Variants in DGKD observed in about 807,000 individuals in gnomAD.
The protein encoded by DGKD is diacylglycerol kinase delta.
A neutral mutation model predicts 154.4 loss-of-function variants in DGKD; 68 were observed. The observed-to-expected ratio is 0.44, with a 90% CI of 0.36 to 0.54. The LOEUF (loss-of-function observed/expected upper bound fraction) is 0.54, where lower values mean the gene tolerates loss of function less well. Among genes scored for constraint, DGKD ranks in the 20% least tolerant of loss-of-function variants. The pLI, the probability that DGKD is intolerant of heterozygous loss-of-function variation, is 0.00. For synonymous variants in DGKD, 693 were observed against 638.0 expected, an observed-to-expected ratio of 1.09 and a Z score of -1.30; for missense variants, 1,343 against 1,593.6, an observed-to-expected ratio of 0.84 and a Z score of 2.68.
At chr2:233,356,395 G>C (rs1170260396) in intron 1 of DGKD, among the ~76,000 whole-genome samples, 2 of 151,974 alleles carry the variant, frequency 1.3e-5, no homozygotes, top group African/African-American at 4.8e-5. Context: ...GGGGGTGATG[G>C]ATCAGATGTG....
In DGKD at chr2:233,471,665, T is replaced by C. The variant is rs2064019473; in HGVS notation, c.*2205T>C. ...GGATCAAAAGTGTTTAAAATTAATA[T>C]GTTGTCAGTGATTAGAACAACACTG... On this transcript the variant is annotated 3_prime_UTR_variant, in exon 30 of 30. Transcript: ENST00000264057. 3.9e-5 allele frequency: 6 copies of C among 152,418 alleles called. No homozygotes were observed. The highest frequency in any genetic ancestry group is 3.9e-4 in the Admixed American group (6 of 15,284). 9.4% of individuals were successfully genotyped at this position (152,418 alleles called of 1,614,324 possible). A position where few individuals can be genotyped will look rare whatever the true frequency, so the allele number is the denominator to read the frequency against.
At chr2:233,451,572 T>C (rs76233838) in intron 17 of DGKD, among the ~76,000 whole-genome samples, 1 of 141,978 alleles carries the variant, frequency 7.0e-6, no homozygotes, top group Admixed American at 6.9e-5. Context: ...CTATAAGCCT[T>C]TTTTTTTTTT....
Position 233,441,559 on chromosome 2 carries a change from G to A in DGKD, c.1086-328G>A, listed in dbSNP as rs2062889795. 6.6e-6 allele frequency among the ~76,000 whole-genome samples: 1 copy of A among 152,224 alleles called. No individual in the cohort carries two copies. The highest frequency in any genetic ancestry group is 6.5e-5 in the Admixed American group (1 of 15,288). ...GGGCCACGGCAGGCTGTGCCCGTGA[G>A]CCTGGCAGGGGATGCAGTTTTGGCC... On this transcript the variant is annotated intron_variant, in intron 9 of 29. Coordinates refer to ENST00000264057, the MANE Select transcript of DGKD (RefSeq NM_152879.3). The surrounding 1 kb of genome is among the most constrained non-coding windows in gnomAD (Gnocchi z 5.6).
In DGKD at chr2:233,354,712, C is replaced by G; in HGVS notation, c.156+38C>G. ...CGCGGCGGCCCGGGCGCGCGCCCCT[C>G]ACGCCGCGGCAGCCCCGGCCGAGGC... On this transcript the variant is annotated intron_variant, in intron 1 of 29. Coordinates refer to ENST00000264057, the MANE Select transcript of DGKD (RefSeq NM_152879.3). This position sits in a 1 kb window ranked among gnomAD's most constrained non-coding sequence, Gnocchi z 4.8. The G allele has an allele frequency of 1.0e-6, 1 of 976,736 alleles. No homozygotes were observed. The highest frequency in any genetic ancestry group is 4.5e-5 in the South Asian group (1 of 22,046). 60.5% of individuals were successfully genotyped at this position (976,736 alleles called of 1,614,324 possible). A position where few individuals can be genotyped will look rare whatever the true frequency, so the allele number is the denominator to read the frequency against.
intron 8 of DGKD, 146 bp downstream of exon 8, chr2:233,437,625 T>C: frequency 1.2e-6 from 1 of 808,878 alleles, no homozygotes; most frequent in Non-Finnish European, 2.0e-6. Flanking sequence ...CTGGAGGAGT[T>C]GCACAGAGCG....
chr2:233,382,553 C>G (rs1309314145), intron 1 of DGKD, among the ~76,000 whole-genome samples: 1 of 152,102 alleles, frequency 6.6e-6, no homozygotes, highest in Non-Finnish European at 1.5e-5. Context: ...CCCCTCTGTC[C>G]AGGTCACCTT....
chr2:233,458,523 T>G lies in DGKD; in HGVS notation c.2694+126T>G. 5.0e-6 allele frequency: 3 copies of G among 598,414 alleles called. No individual in the cohort carries two copies. The highest frequency in any genetic ancestry group is 8.7e-6 in the Non-Finnish European group (3 of 345,522). 37.1% of individuals were successfully genotyped at this position (598,414 alleles called of 1,614,324 possible). On this transcript the variant is annotated intron_variant, in intron 22 of 29. Transcript: ENST00000264057. The surrounding 1 kb of genome is among the most constrained non-coding windows in gnomAD (Gnocchi z 6.6). ...GGCCATGTGGCTGCCTCATGTCCTG[T>G]CCTGGACAGCTCGTGGCCCCACTTC...
chr2:233,389,185 T>G (rs557978005), intron 2 of DGKD, among the ~76,000 whole-genome samples: 5 of 152,240 alleles, frequency 3.3e-5, no homozygotes, highest in South Asian at 2.1e-4. Context: ...GAGCTGAGCT[T>G]CTTGATGTGT....
At chr2:233,460,480 C>A in intron 24 of DGKD, 135 bp downstream of exon 24, 1 of 1,160,548 alleles carries the variant, frequency 8.6e-7, no homozygotes, top group Non-Finnish European at 1.2e-6. Flanking sequence ...AGGGCCGAGC[C>A]TGTTTATGTG....
chr2:233,463,465 T>A (rs1340890925), intron 26 of DGKD, among the ~76,000 whole-genome samples: 3 of 105,712 alleles, frequency 2.8e-5, no homozygotes, highest in African/African-American at 1.5e-4. Flanking sequence ...TCCACGCATG[T>A]CCTCACTGCA....
intron 12 of DGKD, chr2:233,447,417 A>T: frequency 1.1e-6 from 1 of 950,494 alleles, no homozygotes; most frequent in Non-Finnish European, 1.3e-6. Context: ...GTCAGGGGCT[A>T]GGGCAACGGT....
intron 1 of DGKD, among the ~76,000 whole-genome samples, chr2:233,384,250 A>C (rs1442310175): frequency 6.6e-6 from 1 of 152,016 alleles, no homozygotes; most frequent in Non-Finnish European, 1.5e-5. Flanking sequence ...CTCAGTTCTC[A>C]TTTATGACCT....
chr2:233,434,713 A>G, intron 4 of DGKD, 56 bp from the exon 5 acceptor site: 2 of 1,579,930 alleles, frequency 1.3e-6, no homozygotes, highest in Non-Finnish European at 1.7e-6. Flanking sequence ...AAGTTACTGC[A>G]TTTAACAATT....
Position 233,438,064 on chromosome 2 carries a change from TG to T in DGKD, c.923-149del. Among the ~76,000 whole-genome samples the T allele has an allele frequency of 6.6e-6, 1 of 152,322 alleles. No individual in the cohort carries two copies. The highest frequency in any genetic ancestry group is 2.1e-4 in the South Asian group (1 of 4,832). On this transcript the variant is annotated intron_variant, in intron 8 of 29. Transcript: ENST00000264057. This position sits in a 1 kb window ranked among gnomAD's most constrained non-coding sequence, Gnocchi z 4.1. Reference sequence around the variant, plus strand: ...CGGCCTCACACATGGAGACCGGCTGTGGGGAACTGTTCACTGACCTCCTCCT... The same window carrying T: ...CGGCCTCACACATGGAGACCGGCTGTGGGAACTGTTCACTGACCTCCTCCT...
chr2:233,359,306 CTG>C, intron 1 of DGKD, among the ~76,000 whole-genome samples: 1 of 152,158 alleles, frequency 6.6e-6, no homozygotes, highest in Non-Finnish European at 1.5e-5. Context: ...AATGTTAACT[CTG>C]TGTTCCTGAG....
intron 1 of DGKD, among the ~76,000 whole-genome samples, chr2:233,371,103 A>C (rs1702300120): frequency 6.6e-6 from 1 of 152,064 alleles, no homozygotes; most frequent in Non-Finnish European, 1.5e-5. Flanking sequence ...ATTGCTGGAT[A>C]ATTCTGTGTT....
rs2063551810 is a variant in DGKD at position 233,459,340 on chromosome 2, T to C, written c.2695-417T>C. On this transcript the variant is annotated intron_variant, in intron 22 of 29. Transcript: ENST00000264057. This position sits in a 1 kb window ranked among gnomAD's most constrained non-coding sequence, Gnocchi z 5.7. ...ACAATTTTCACTCTTTGGCAATGTT[T>C]GTTGTTGAAAAGGAGGAACGGGATG... 6.6e-6 allele frequency among the ~76,000 whole-genome samples: 1 copy of C among 152,154 alleles called. No individual in the cohort carries two copies. The highest frequency in any genetic ancestry group is 2.1e-4 in the South Asian group (1 of 4,834).
Position 233,438,497 on chromosome 2 carries a change from A to G in DGKD, c.1085+118A>G. 3 of 1,274,208 alleles carry G rather than the reference A, an allele frequency of 2.4e-6. No individual in the cohort carries two copies. The highest frequency in any genetic ancestry group is 3.2e-6 in the Non-Finnish European group (3 of 937,968). 78.9% of individuals were successfully genotyped at this position (1,274,208 alleles called of 1,614,324 possible). ...GCTTTAAATAGGAAAGAAAAGTTGAACTGCTTCCTTCCCAAATTGCACTTG... is the reference window on the plus strand; with the variant it reads ...GCTTTAAATAGGAAAGAAAAGTTGAGCTGCTTCCTTCCCAAATTGCACTTG... On this transcript the variant is annotated intron_variant, in intron 9 of 29. Coordinates refer to ENST00000264057, the MANE Select transcript of DGKD (RefSeq NM_152879.3). This position sits in a 1 kb window ranked among gnomAD's most constrained non-coding sequence, Gnocchi z 4.1.
At chr2:233,374,294 T>A (rs1702464104) in intron 1 of DGKD, among the ~76,000 whole-genome samples, 1 of 152,044 alleles carries the variant, frequency 6.6e-6, no homozygotes, top group African/African-American at 2.4e-5. Flanking sequence ...CAAGTGTGCC[T>A]TCTGCCTCAG....
Sources: gnomAD v4.1 joint callset for allele counts (sites outside exome capture counted in the v4.1 genomes callset) on GRCh38, gnomAD v4.1.1 for gene constraint, Gnocchi (gnomAD v3.1) non-coding constraint, MANE v1.5 for transcripts, NCBI Gene and HGNC (gene_info 2026-07-23, HGNC 2026-07-21) for gene names.